ETHE1: variants seen among roughly 807,000 people sequenced by gnomAD.
ETHE1 encodes persulfide dioxygenase ETHE1, mitochondrial.
Under a neutral mutation model 25.7 loss-of-function variants are expected in ETHE1, and 16 were observed. That is an observed-to-expected ratio of 0.62 (90% confidence interval 0.42 to 0.95). The LOEUF (loss-of-function observed/expected upper bound fraction) is 0.95, where lower values mean the gene tolerates loss of function less well. Ranked by LOEUF, ETHE1 falls within the 40% of genes least tolerant of loss-of-function variation. The pLI, the probability that ETHE1 is intolerant of heterozygous loss-of-function variation, is 0.00. For missense variants in ETHE1, 300 were observed against 333.6 expected, an observed-to-expected ratio of 0.90 and a Z score of 0.79; for synonymous variants, 139 against 135.9, an observed-to-expected ratio of 1.02 and a Z score of -0.16.
intron 3 of ETHE1, among the ~76,000 whole-genome samples, chr19:43,515,083 T>C (rs1300137064): frequency 6.6e-6 from 1 of 152,166 alleles, no homozygotes; most frequent in Non-Finnish European, 1.5e-5. Context: ...GCAATACCGT[T>C]GAAATAAAAT....
chr19:43,515,593 T>TG (rs1972003445), intron 3 of ETHE1, among the ~76,000 whole-genome samples: 1 of 152,096 alleles, frequency 6.6e-6, no homozygotes, highest in Non-Finnish European at 1.5e-5. Context: ...TGTTTTGTTT[T>TG]GGACGGAGTC....
intron 1 of ETHE1, 163 bp downstream of exon 1, chr19:43,526,934 C>A: frequency 6.7e-7 from 1 of 1,500,382 alleles, no homozygotes; most frequent in Non-Finnish European, 8.9e-7. Flanking sequence ...CCAGACCACT[C>A]ACCTTTAAAG....
At position 43,511,553 on chromosome 19, in the gene ETHE1, CT is replaced by C. The variant is rs1236038385; in HGVS notation, c.388del (p.Arg130GlyfsTer15). On this transcript the variant is annotated frameshift_variant, in exon 4 of 7. Coordinates refer to ENST00000292147, the MANE Select transcript of ETHE1 (RefSeq NM_014297.5). LOFTEE classifies it high-confidence loss of function. ...IRFGRFALET[R>X]ASPGHTPGCV... ...GCCTGGGGTGTGGCCAGGGCTGGCC[CT>C]GGTCTCCAACGCCTGGCAGGGGTGG... The C allele has an allele frequency of 3.1e-6, 5 of 1,613,664 alleles. No individual in the cohort carries two copies. The African/African-American group carries it at 6.7e-5, about 22-fold the overall frequency.
At chr19:43,512,614 C>T (rs545357233) in intron 3 of ETHE1, among the ~76,000 whole-genome samples, 1 of 152,078 alleles carries the variant, frequency 6.6e-6, no homozygotes, top group Non-Finnish European at 1.5e-5. Context: ...CAAGAGGTGA[C>T]TTGAGTGCTG....
rs1260481458 is a variant in ETHE1 at position 43,507,276 on chromosome 19, C to A, written c.713-374G>T. On this transcript the variant is annotated intron_variant, in intron 6 of 6. Transcript: ENST00000292147. ...CTCCCTCAGACTCAGGAGTTCAGAC[C>A]CCCAGCCCCTCCTCCCTCAGACCCA... is the stretch of plus-strand genomic sequence containing the variant. 2.9e-4 allele frequency among the ~76,000 whole-genome samples: 40 copies of A among 137,690 alleles called. No individual in the cohort carries two copies. In the South Asian group the frequency reaches 8.8e-3, roughly 30 times the overall value. 90.3% of individuals were successfully genotyped at this position (137,690 alleles called of 152,430 possible).
Position 43,508,783 on chromosome 19 carries a change from T to C in ETHE1, c.587A>G (p.Asp196Gly), listed in dbSNP as rs1008232313. 1.2e-6 allele frequency: 2 copies of C among 1,603,540 alleles called. No individual in the cohort carries two copies. Among genetic ancestry groups the C allele is most frequent in the Non-Finnish European group, 1.7e-6 (2 of 1,175,240 alleles). ...TTCCAGGAAGCCCTCACCATGGTAA[T>C]CGTGAGCAGGGTAGATCAGACAGTC... ...PGDCLIYPAH[D>G]YHGFTVSTVE... Residue 196 changes from aspartate to glycine, a missense_variant, in exon 5 of 7, where the codon GAT (aspartate) becomes GGT (glycine). Coordinates refer to ENST00000292147, the MANE Select transcript of ETHE1 (RefSeq NM_014297.5).
chr19:43,509,814 A>AAGAAAG (rs1053324181), intron 4 of ETHE1, among the ~76,000 whole-genome samples: 1 of 152,088 alleles, frequency 6.6e-6, no homozygotes, highest in Non-Finnish European at 1.5e-5. Flanking sequence ...GAAGAAGAAG[A>AAGAAAG]AGAAAGAAAC....
intron 1 of ETHE1, 199 bp downstream of exon 1, chr19:43,526,898 G>C (rs2146020709): frequency 1.4e-6 from 2 of 1,474,226 alleles, no homozygotes; most frequent in Non-Finnish European, 1.8e-6. Flanking sequence ...GAGGACCCAG[G>C]GGTCTGGCCC....
At chr19:43,525,817 C>T in intron 3 of ETHE1, 1 of 315,928 alleles carries the variant, frequency 3.2e-6, no homozygotes, top group South Asian at 2.9e-5. Flanking sequence ...CCCAGATGCT[C>T]CTTCCTCAAA....
intron 4 of ETHE1, among the ~76,000 whole-genome samples, chr19:43,509,356 G>A (rs1171186941): frequency 2.6e-5 from 4 of 151,908 alleles, no homozygotes; most frequent in Non-Finnish European, 5.9e-5. Flanking sequence ...AATTAGCCAG[G>A]CATGGTGACC....
chr19:43,508,042 A>C lies in ETHE1; in HGVS notation c.614T>G (p.Val205Gly), dbSNP rs1221627104. Residue 205 changes from valine (V) to glycine (G), a missense_variant, in exon 6 of 7, where the codon GTG (valine) becomes GGG (glycine). By Grantham distance (109) the Val-to-Gly change is moderately radical. Coordinates refer to ENST00000292147, the MANE Select transcript of ETHE1 (RefSeq NM_014297.5). ...HDYHGFTVST[V>G]EEERTLNPRL... ...AGGGTTCAGAGTCCTCTCCTCCTCC[A>C]CGGTGGACACTGTGAACCCTAGGGG... 6.2e-7 allele frequency: 1 copy of C among 1,613,906 alleles called. No homozygotes were observed. Among genetic ancestry groups the C allele is most frequent in the Non-Finnish European group, 8.5e-7 (1 of 1,180,018 alleles).
At chr19:43,526,758 A>G in intron 1 of ETHE1, 99 bp from the exon 2 acceptor site, 4 of 1,583,948 alleles carry the variant, frequency 2.5e-6, no homozygotes, top group South Asian at 1.1e-5. Context: ...AAGATCCAGA[A>G]GCAGAAACCC....
intron 3 of ETHE1, among the ~76,000 whole-genome samples, chr19:43,521,919 A>C (rs1972145602): frequency 6.6e-6 from 1 of 152,212 alleles, no homozygotes; most frequent in African/African-American, 2.4e-5. Context: ...ATCAGAAGGA[A>C]AATAGGGTGT....
At chr19:43,508,639 A>C in intron 5 of ETHE1, 136 bp downstream of exon 5, 1 of 783,946 alleles carries the variant, frequency 1.3e-6, no homozygotes, top group Non-Finnish European at 2.2e-6. Context: ...CCCCTTGCCC[A>C]GCCTCAAACA....
intron 3 of ETHE1, among the ~76,000 whole-genome samples, chr19:43,512,557 C>G (rs1348904104): frequency 6.6e-6 from 1 of 152,084 alleles, no homozygotes; most frequent in Non-Finnish European, 1.5e-5. Flanking sequence ...AGAAATTTCT[C>G]AGCAGGAAAG....
At position 43,518,999 on chromosome 19, in the gene ETHE1, G is replaced by GTTTTTTTTTTTTTT. The variant is rs71169253; in HGVS notation, c.375+7188_375+7201dup. On this transcript the variant is annotated intron_variant, in intron 3 of 6. Transcript: ENST00000292147. The stretch of plus-strand genomic sequence containing the variant: ...CTGATGGCTGATGAAATTTGTGCTT[G>GTTTTTTTTTTTTTT]TTTTTTTTTTTTTTTTTTTTTTTTT... 3.2e-4 allele frequency among the ~76,000 whole-genome samples: 29 copies of GTTTTTTTTTTTTTT among 91,006 alleles called. 6 individuals are homozygous for GTTTTTTTTTTTTTT. Among genetic ancestry groups the GTTTTTTTTTTTTTT allele is most frequent in the Non-Finnish European group, 4.3e-4 (20 of 46,576 alleles). The allele number at this position is 91,006 out of a possible 152,430, so 59.7% of individuals were successfully genotyped here.
intron 4 of ETHE1, among the ~76,000 whole-genome samples, chr19:43,510,335 C>CT (rs11330382): frequency 0.036 from 4,746 of 133,250 alleles, 175 homozygotes; most frequent in African/African-American, 0.087. Context: ...CTTTTTTTAT[C>CT]TTTTTTTTTT....
intron 1 of ETHE1, 52 bp downstream of exon 1, chr19:43,527,045 C>T (rs1214124914): frequency 6.5e-7 from 1 of 1,542,676 alleles, no homozygotes. Flanking sequence ...GAGTTCCGTC[C>T]TTGCTGCCGC....
intron 3 of ETHE1, among the ~76,000 whole-genome samples, chr19:43,525,200 C>T (rs1371461582): frequency 6.6e-6 from 1 of 151,448 alleles, no homozygotes; most frequent in East Asian, 1.9e-4. Flanking sequence ...CTAAACCCTT[C>T]GTTCATTTCA....
Sources: gnomAD v4.1 joint callset for allele counts (sites outside exome capture counted in the v4.1 genomes callset) on GRCh38, gnomAD v4.1.1 for gene constraint, MANE v1.5 for transcripts, NCBI Gene and HGNC (gene_info 2026-07-23, HGNC 2026-07-21) for gene names.